Variants in HECTD4 observed in about 807,000 individuals in gnomAD.
The protein encoded by HECTD4 is HECT domain E3 ubiquitin protein ligase 4.
In HECTD4, 114 loss-of-function variants were observed where a neutral mutation model predicts 471.5. That is an observed-to-expected ratio of 0.24 (90% CI 0.21 to 0.28). The LOEUF (loss-of-function observed/expected upper bound fraction) is 0.28, where lower values mean the gene tolerates loss of function less well. Among genes scored for constraint, HECTD4 ranks in the 10% least tolerant of loss-of-function variants. HECTD4 has a pLI of 1.00. For synonymous variants in HECTD4, 2,012 were observed against 2,256.0 expected, an observed-to-expected ratio of 0.89 and a Z score of 3.07; for missense variants, 3,866 against 5,651.5, an observed-to-expected ratio of 0.68 and a Z score of 10.13.
chr12:112,161,663 C>T lies in HECTD4; in HGVS notation c.*724G>A, dbSNP rs1430411322. On this transcript the variant is annotated 3_prime_UTR_variant, in exon 76 of 76. Coordinates refer to ENST00000682272, the MANE Select transcript of HECTD4 (RefSeq NM_001388303.1). Reference sequence around the variant, plus strand: ...CCAGCTAGGCTCTGTGAACTAAGGTCGGGATGAACCCTTAAGTCTCCTGCT... The same window carrying T: ...CCAGCTAGGCTCTGTGAACTAAGGTTGGGATGAACCCTTAAGTCTCCTGCT... 1 of 152,156 alleles carries T rather than the reference C, an allele frequency of 6.6e-6. No individual in the cohort carries two copies. The highest frequency in any genetic ancestry group is 1.9e-4 in the East Asian group (1 of 5,188). 9.4% of individuals were successfully genotyped at this position (152,156 alleles called of 1,614,324 possible).
rs746374046 is a variant in HECTD4 at position 112,185,474 on chromosome 12, C to T, written c.9492G>A (p.Thr3164=). The T allele has an allele frequency of 1.3e-6, 2 of 1,554,778 alleles. No homozygotes were observed. Among genetic ancestry groups the T allele is most frequent in the Admixed American group, 2.0e-5 (1 of 50,990 alleles). The change falls in exon 61 of 76, where the codon ACG becomes ACA. Residue 3164 remains threonine, a synonymous_variant. Transcript: ENST00000682272. ...VELLGNFLWT[T]DMAACVKELV... ...GCTCCTTCACGCAGGCTGCCATGTC[C>T]GTGGTCCACAAGAAGTTTCCTGAGG...
In HECTD4 at chr12:112,274,975, A is replaced by G. The variant is rs1041222041; in HGVS notation, c.1688-15T>C. On this transcript the variant is annotated splice_polypyrimidine_tract_variant and intron_variant, in intron 9 of 75. Coordinates refer to ENST00000682272, the MANE Select transcript of HECTD4 (RefSeq NM_001388303.1). ...GGAGGCTAGGACTTTGGAAACAAAC[A>G]TTAAGCTGTTTAATGAGCCTGAAGA... 1 of 1,431,698 alleles carries G rather than the reference A, an allele frequency of 7.0e-7. No homozygotes were observed. The highest frequency in any genetic ancestry group is 9.6e-7 in the Non-Finnish European group (1 of 1,040,394). 88.7% of individuals were successfully genotyped at this position (1,431,698 alleles called of 1,614,324 possible). A position where few individuals can be genotyped will look rare whatever the true frequency, so the allele number is the denominator to read the frequency against.
intron 61 of HECTD4, 130 bp from the exon 62 acceptor site, chr12:112,183,396 C>G (rs1566063724): frequency 1.4e-6 from 1 of 723,102 alleles, no homozygotes; most frequent in Non-Finnish European, 2.3e-6. Flanking sequence ...CTGCCCTACT[C>G]TGGTGAGCTG....
At chr12:112,353,244 T>C (rs190415211) in intron 1 of HECTD4, among the ~76,000 whole-genome samples, 5 of 152,326 alleles carry the variant, frequency 3.3e-5, no homozygotes, top group Admixed American at 2.0e-4. Context: ...CATGGCTTCA[T>C]TACAATCAAG....
chr12:112,311,224 T>C (rs1042574039), intron 4 of HECTD4, among the ~76,000 whole-genome samples: 9 of 151,158 alleles, frequency 6.0e-5, no homozygotes, highest in African/African-American at 1.9e-4. Context: ...ATCGCGCCAC[T>C]GCACTGTAGC....
chr12:112,202,205 T>C (rs562099652), intron 54 of HECTD4, among the ~76,000 whole-genome samples: 1 of 152,194 alleles, frequency 6.6e-6, no homozygotes, highest in South Asian at 2.1e-4. Flanking sequence ...AGTCAGATGA[T>C]GTAATTTTTT....
rs760478036 is a variant in HECTD4 at position 112,235,570 on chromosome 12, G to C, written c.5659C>G (p.Pro1887Ala). The C allele has an allele frequency of 3.2e-5, 51 of 1,613,828 alleles. No individual in the cohort carries two copies. The highest frequency in any genetic ancestry group is 4.1e-5 in the Non-Finnish European group (48 of 1,179,870). ...GCGATCTTGGAAGCTGGGTCGCTGG[G>C]ATCCTCCTGCTCACTGTTTAAGGAG... Reference protein sequence around the residue: ...VPSLNSEQEDPSDPASKIASL... With the variant: ...VPSLNSEQEDASDPASKIASL... The change falls in exon 36 of 76, where the codon CCC (proline) becomes GCC (alanine). Residue 1887 changes from proline to alanine, a missense_variant. Pro to Ala is a conservative substitution (Grantham distance 27). Around this residue, in one of 16 missense-constraint regions of HECTD4, gnomAD observed 617 missense variants for 915.1 expected, o/e 0.67. Transcript: ENST00000682272. The surrounding 1 kb of genome is among the most constrained non-coding windows in gnomAD (Gnocchi z 5.0).
chr12:112,251,042 C>G lies in HECTD4; in HGVS notation c.3645G>C (p.Leu1215=). 1 of 1,614,008 alleles carries G rather than the reference C, an allele frequency of 6.2e-7. No homozygotes were observed. The highest frequency in any genetic ancestry group is 1.1e-5 in the South Asian group (1 of 91,080). ...SVLACSMLRI[L]YNGPEITKEE... ...CTTTGGTAATTTCTGGTCCATTGTACAGGATTCTTAACATGGAACAAGCTA... is the reference window on the plus strand; with the variant it reads ...CTTTGGTAATTTCTGGTCCATTGTAGAGGATTCTTAACATGGAACAAGCTA... Residue 1215 remains leucine (L), a synonymous_variant, in exon 24 of 76, where the codon CTG becomes CTC. Transcript: ENST00000682272.
intron 64 of HECTD4, among the ~76,000 whole-genome samples, chr12:112,177,662 G>A (rs1011824013): frequency 6.6e-6 from 1 of 152,170 alleles, no homozygotes; most frequent in African/African-American, 2.4e-5. Flanking sequence ...TTATAGGCGT[G>A]AGCCACCGCG....
At position 112,185,194 on chromosome 12, in the gene HECTD4, T is replaced by A. The variant is rs1279243653; in HGVS notation, c.9772A>T (p.Met3258Leu). The A allele has an allele frequency of 1.2e-5, 19 of 1,551,494 alleles. No homozygotes were observed. The highest frequency in any genetic ancestry group is 2.4e-5 in the East Asian group (1 of 40,930). Residue 3258 changes from methionine (M) to leucine (L), a missense_variant, in exon 61 of 76, where the codon ATG becomes TTG. Transcript: ENST00000682272. Reference protein sequence around the residue: ...GRFSTYFHALMEGCLAVAEVT... With the variant: ...GRFSTYFHALLEGCLAVAEVT... Reference sequence around the variant, plus strand: ...TCGGCCACAGCCAGGCACCCTTCCATGAGTGCATGAAAATACGTAGAGAAC... The same window carrying A: ...TCGGCCACAGCCAGGCACCCTTCCAAGAGTGCATGAAAATACGTAGAGAAC...
Position 112,163,966 on chromosome 12 carries a change from G to C in HECTD4, c.12701+143C>G, listed in dbSNP as rs2030816763. The C allele has an allele frequency of 3.1e-6, 3 of 954,324 alleles. No homozygotes were observed. The highest frequency in any genetic ancestry group is 6.7e-5 in the Admixed American group (2 of 29,688). 59.1% of individuals were successfully genotyped at this position (954,324 alleles called of 1,614,324 possible). A position where few individuals can be genotyped will look rare whatever the true frequency, so the allele number is the denominator to read the frequency against. On this transcript the variant is annotated intron_variant, in intron 73 of 75. Coordinates refer to ENST00000682272, the MANE Select transcript of HECTD4 (RefSeq NM_001388303.1). The surrounding 1 kb of genome is among the most constrained non-coding windows in gnomAD (Gnocchi z 8.2). ...CCTCTTTCTTGGCACCCACCATCCT[G>C]CCTCATCTCCCTCTCCTGGTGAAAT...
rs544712748 is a variant in HECTD4 at position 112,350,552 on chromosome 12, A to G, written c.178-30810T>C. ...TGTACTAACGCTACACATGAAGCCA[A>G]TGAAGTCAAACAGGCCCTCCCCAAT... On this transcript the variant is annotated intron_variant, in intron 1 of 75. Transcript: ENST00000682272. Among the ~76,000 whole-genome samples the G allele has an allele frequency of 2.8e-3, 434 of 152,322 alleles. 1 individual carries two copies. Among genetic ancestry groups the G allele is most frequent in the Non-Finnish European group, 4.7e-3 (317 of 68,024 alleles).
intron 1 of HECTD4, among the ~76,000 whole-genome samples, chr12:112,374,381 G>C (rs2036740722): frequency 6.6e-6 from 1 of 152,176 alleles, no homozygotes; most frequent in Admixed American, 6.5e-5. Flanking sequence ...CAGCAAGCAA[G>C]GAGCAGAGCT....
At chr12:112,229,397 G>T (rs183724129) in intron 41 of HECTD4, among the ~76,000 whole-genome samples, 1 of 152,118 alleles carries the variant, frequency 6.6e-6, no homozygotes, top group Admixed American at 6.6e-5. Context: ...ATAAATATTT[G>T]CAGGAAAACA....
chr12:112,167,346 T>C lies in HECTD4; in HGVS notation c.12505A>G (p.Thr4169Ala), dbSNP rs1302021667. ...TCAAACTTCTTGACGTAATTGTAGG[T>C]GAGGATATCCGCTTCCTGCAGGTCT... The part of the protein sequence containing the change: ...EQDLQEADIL[T>A]YNYVKKFESI... Residue 4169 changes from threonine to alanine, a missense_variant, in exon 72 of 76, where the codon ACC (threonine) becomes GCC (alanine). Physicochemically the swap from Thr to Ala is moderately conservative, Grantham distance 58. Around this residue, in one of 16 missense-constraint regions of HECTD4, gnomAD observed 715 missense variants for 1,087.6 expected, o/e 0.66. Transcript: ENST00000682272. 6.2e-7 allele frequency: 1 copy of C among 1,613,198 alleles called. No individual in the cohort carries two copies. Among genetic ancestry groups the C allele is most frequent in the East Asian group, 2.2e-5 (1 of 44,868 alleles).
At chr12:112,367,832 A>AC (rs2036595474) in intron 1 of HECTD4, among the ~76,000 whole-genome samples, 2 of 148,940 alleles carry the variant, frequency 1.3e-5, no homozygotes, top group Admixed American at 1.3e-4. Flanking sequence ...AAAAAAAAAA[A>AC]AAAAAAAAAA....
At position 112,184,732 on chromosome 12, in the gene HECTD4, C is replaced by T. The variant is rs1487090364; in HGVS notation, c.10234G>A (p.Val3412Ile). 8.1e-6 allele frequency: 13 copies of T among 1,611,970 alleles called. No homozygotes were observed. Among genetic ancestry groups the T allele is most frequent in the Admixed American group, 3.3e-5 (2 of 59,874 alleles). ...SGIPTHLDEG[V>I]VRGAIRKACN... ...GCCTTGCGGATGGCGCCTCTGACTA[C>T]GCCCTCGTCCAGGTGGGTGGGGATC... The change falls in exon 61 of 76, where the codon GTA (valine) becomes ATA (isoleucine). Residue 3412 changes from valine to isoleucine, a missense_variant. Transcript: ENST00000682272. The surrounding 1 kb of genome is among the most constrained non-coding windows in gnomAD (Gnocchi z 9.1).
chr12:112,183,283 C>T lies in HECTD4; in HGVS notation c.10780-17G>A, dbSNP rs2031742207. 3.8e-6 allele frequency: 6 copies of T among 1,599,974 alleles called. No homozygotes were observed. The highest frequency in any genetic ancestry group is 1.1e-5 in the South Asian group (1 of 90,782). ...GGATCTTATCTGTGTGAACAGAGAACAGGGTCAGGATTTGAGTAGCTTGAC... is the reference window on the plus strand; with the variant it reads ...GGATCTTATCTGTGTGAACAGAGAATAGGGTCAGGATTTGAGTAGCTTGAC... On this transcript the variant is annotated splice_polypyrimidine_tract_variant and intron_variant, in intron 61 of 75. Coordinates refer to ENST00000682272, the MANE Select transcript of HECTD4 (RefSeq NM_001388303.1).
intron 1 of HECTD4, chr12:112,321,937 T>C (rs768614290): frequency 1.3e-5 from 2 of 150,396 alleles, no homozygotes; most frequent in Non-Finnish European, 3.0e-5. Flanking sequence ...AAAAAAAACA[T>C]TACAAAGAAA....
Sources: gnomAD v4.1 joint callset for allele counts (sites outside exome capture counted in the v4.1 genomes callset) on GRCh38, gnomAD v4.1.1 for gene constraint, gnomAD v4.1.1 regional missense constraint, Gnocchi (gnomAD v3.1) non-coding constraint, MANE v1.5 for transcripts, NCBI Gene and HGNC (gene_info 2026-07-23, HGNC 2026-07-21) for gene names.